The following SLC16A2 variants were observed in gnomAD, a reference collection of about 807,000 sequenced individuals.
The protein encoded by SLC16A2 is solute carrier family 16 member 2.
A neutral mutation model predicts 27.2 loss-of-function variants in SLC16A2; 3 were observed. That is an observed-to-expected ratio of 0.11 (90% CI 0.05 to 0.28). The LOEUF is 0.28. Ranked by LOEUF, SLC16A2 falls within the 10% of genes least tolerant of loss-of-function variation. The probability of loss-of-function intolerance (pLI) is 1.00; values close to 1 mark genes in which losing one functional copy is unlikely to be tolerated. For synonymous variants in SLC16A2, 202 were observed against 187.8 expected (o/e 1.08, Z -0.62); for missense variants, 295 against 458.5 (o/e 0.64, Z 3.26).
At chrX:74,476,774 T>A (rs1273026546) in intron 1 of SLC16A2, among the ~76,000 whole-genome samples, 1 of 111,980 alleles carries the variant, frequency 8.9e-6, no homozygotes, top group Non-Finnish European at 1.9e-5. Flanking sequence ...ATATGCTGGA[T>A]TACGTTTATT....
chrX:74,508,909 T>A (rs1475799984), intron 1 of SLC16A2, among the ~76,000 whole-genome samples: 2 of 111,719 alleles, frequency 1.8e-5, no homozygotes, highest in Non-Finnish European at 3.8e-5. Flanking sequence ...GAACCTCCAA[T>A]GGAATGTTAA....
intron 2 of SLC16A2, among the ~76,000 whole-genome samples, chrX:74,521,681 G>A (rs1930409860): frequency 8.9e-6 from 1 of 112,287 alleles, no homozygotes; most frequent in African/African-American, 3.2e-5. Flanking sequence ...CTGAGCCCAA[G>A]GATGTTTAGC....
chrX:74,495,425 A>G (rs1602131623), intron 1 of SLC16A2, among the ~76,000 whole-genome samples: 2 of 107,998 alleles, frequency 1.9e-5, no homozygotes, highest in African/African-American at 6.6e-5. Flanking sequence ...TCTGGGGACA[A>G]GAAGTTCTCA....
chrX:74,503,122 A>C lies in SLC16A2; in HGVS notation c.431-17868A>C, dbSNP rs567366055. Among the ~76,000 whole-genome samples, 41 of 109,542 alleles carry C rather than the reference A, an allele frequency of 3.7e-4. No homozygotes were observed. The South Asian group carries it at 0.017, about 44-fold the overall frequency. ...GGACCATCACAGAGCCTCTACAAGA[A>C]GACACTCCAAGCCTTTAAGACCCTG... On this transcript the variant is annotated intron_variant, in intron 1 of 5. Transcript: ENST00000587091.
At chrX:74,488,497 C>T (rs758141597) in intron 1 of SLC16A2, among the ~76,000 whole-genome samples, 1 of 111,492 alleles carries the variant, frequency 9.0e-6, no homozygotes, top group Non-Finnish European at 1.9e-5. Flanking sequence ...CTTGTTTTAA[C>T]CAATTATTTA....
chrX:74,438,658 A>G (rs766267714), intron 1 of SLC16A2, among the ~76,000 whole-genome samples: 2 of 112,492 alleles, frequency 1.8e-5, no homozygotes, highest in Non-Finnish European at 3.7e-5. Context: ...CTATAGCCTC[A>G]TAGCTGTACA....
intron 1 of SLC16A2, among the ~76,000 whole-genome samples, chrX:74,469,767 C>T (rs1306711127): frequency 3.6e-5 from 4 of 111,115 alleles, no homozygotes; most frequent in Non-Finnish European, 7.5e-5. Context: ...ACAGCACCTC[C>T]ACTATTAACT....
At chrX:74,484,007 G>GTAC (rs1929672423) in intron 1 of SLC16A2, among the ~76,000 whole-genome samples, 1 of 111,430 alleles carries the variant, frequency 9.0e-6, no homozygotes, top group Admixed American at 9.5e-5. Flanking sequence ...CTGTTGCCCT[G>GTAC]TACTAGGAGC....
intron 1 of SLC16A2, among the ~76,000 whole-genome samples, chrX:74,485,368 T>C (rs1338337014): frequency 9.0e-6 from 1 of 111,023 alleles, no homozygotes; most frequent in East Asian, 2.8e-4. Context: ...AACATAAGCA[T>C]TTTTCTAGAA....
intron 1 of SLC16A2, among the ~76,000 whole-genome samples, chrX:74,487,118 T>G (rs1929735915): frequency 9.0e-6 from 1 of 111,320 alleles, no homozygotes; most frequent in Non-Finnish European, 1.9e-5. Flanking sequence ...CCTTAGATCA[T>G]TTTACCTTTT....
rs773600376 is a variant in SLC16A2, at chrX:74,532,058, G to A, written c.*505G>A. 6.6e-4 allele frequency: 99 copies of A among 150,735 alleles called. No individual in the cohort carries two copies. Among genetic ancestry groups the A allele is most frequent in the Middle Eastern group, 3.0e-3 (1 of 338 alleles). 12.4% of individuals were successfully genotyped at this position (150,735 alleles called of 1,213,427 possible). A position where few individuals can be genotyped will look rare whatever the true frequency, so the allele number is the denominator to read the frequency against. On this transcript the variant is annotated 3_prime_UTR_variant, in exon 6 of 6. Transcript: ENST00000587091. Reference sequence around the variant, plus strand: ...CTTGGTTAGTCTTAGAGTTGCTGATGACTGTGGCTTCCCAAGAACTGGGTA... The same window carrying A: ...CTTGGTTAGTCTTAGAGTTGCTGATAACTGTGGCTTCCCAAGAACTGGGTA...
In SLC16A2 at chrX:74,496,953, G is replaced by A. The variant is rs780074351; in HGVS notation, c.431-24037G>A. The stretch of plus-strand genomic sequence containing the variant: ...TGCCTGTTGGTGCATTCTTCTGGAC[G>A]TCCAGCTGCCCCTGTGTTCCTCCAC... On this transcript the variant is annotated intron_variant, in intron 1 of 5. Coordinates refer to ENST00000587091, the MANE Select transcript of SLC16A2 (RefSeq NM_006517.5). Among the ~76,000 whole-genome samples the A allele has an allele frequency of 1.4e-4, 16 of 111,614 alleles. No individual in the cohort carries two copies. The South Asian group carries it at 1.9e-3, about 14-fold the overall frequency.
At chrX:74,515,902 A>T (rs1417109378) in intron 1 of SLC16A2, among the ~76,000 whole-genome samples, 1 of 112,102 alleles carries the variant, frequency 8.9e-6, no homozygotes, top group Admixed American at 9.5e-5. Flanking sequence ...ACCCTAAAAG[A>T]ATAGCTAAAG....
At position 74,456,020 on chromosome X, in the gene SLC16A2, A is replaced by G. The variant is rs750229133; in HGVS notation, c.430+33953A>G. 1.8e-5 allele frequency among the ~76,000 whole-genome samples: 2 copies of G among 112,059 alleles called. 1 individual carries two copies. Among genetic ancestry groups the G allele is most frequent in the African/African-American group, 6.5e-5 (2 of 30,808 alleles). ...AAGGTCTCTTTCCCAAGGAAGTCCC[A>G]GTCTAGGTAATTGACTATAGTTGAT... On this transcript the variant is annotated intron_variant, in intron 1 of 5. Transcript: ENST00000587091.
At chrX:74,480,934 G>A (rs1357824498) in intron 1 of SLC16A2, among the ~76,000 whole-genome samples, 1 of 112,097 alleles carries the variant, frequency 8.9e-6, no homozygotes, top group Non-Finnish European at 1.9e-5. Context: ...TTTTTATTGT[G>A]AAAGAATGTT....
Position 74,524,479 on chromosome X carries a change from T to C in SLC16A2, c.696T>C (p.Asn232=). ...HYFQRRLGLA[N]GVVSAGSSIF... ...TTCAACGCCGCCTGGGTCTGGCCAATGGTGTGGTGTCTGCTGGGAGTAGCA... is the reference window on the plus strand; with the variant it reads ...TTCAACGCCGCCTGGGTCTGGCCAACGGTGTGGTGTCTGCTGGGAGTAGCA... Residue 232 remains asparagine, a synonymous_variant, in exon 3 of 6, where the codon AAT becomes AAC. Coordinates refer to ENST00000587091, the MANE Select transcript of SLC16A2 (RefSeq NM_006517.5). 8.3e-7 allele frequency: 1 copy of C among 1,211,941 alleles called. No homozygotes were observed. The highest frequency in any genetic ancestry group is 1.1e-6 in the Non-Finnish European group (1 of 895,547).
chrX:74,516,066 C>CA (rs1555988948), intron 1 of SLC16A2, among the ~76,000 whole-genome samples: 6 of 108,937 alleles, frequency 5.5e-5, no homozygotes, highest in African/African-American at 2.0e-4. Flanking sequence ...TTTTTTCTTT[C>CA]TTTTTTTTGG....
rs183947948 is a variant in SLC16A2 at position 74,458,989 on chromosome X, G to A, written c.430+36922G>A. On this transcript the variant is annotated intron_variant, in intron 1 of 5. Transcript: ENST00000587091. ...GTTAAATCTCCTGGATTGGTGTTGTGTGGGCTTTAAAATGTAAAATCAAAG... is the reference window on the plus strand; with the variant it reads ...GTTAAATCTCCTGGATTGGTGTTGTATGGGCTTTAAAATGTAAAATCAAAG... 2.1e-4 allele frequency among the ~76,000 whole-genome samples: 23 copies of A among 108,515 alleles called. No individual in the cohort carries two copies. In the East Asian group the frequency reaches 6.2e-3, roughly 29 times the overall value. 94.2% of individuals were successfully genotyped at this position (108,515 alleles called of 115,157 possible). A position where few individuals can be genotyped will look rare whatever the true frequency, so the allele number is the denominator to read the frequency against.
intron 1 of SLC16A2, among the ~76,000 whole-genome samples, chrX:74,447,010 T>TC (rs1928849339): frequency 8.9e-6 from 1 of 112,231 alleles, no homozygotes; most frequent in African/African-American, 3.2e-5. Flanking sequence ...GTCTCTATTT[T>TC]CTTACTGTGG....
Sources: gnomAD v4.1 joint callset for allele counts (sites outside exome capture counted in the v4.1 genomes callset) on GRCh38, gnomAD v4.1.1 for gene constraint, MANE v1.5 for transcripts, NCBI Gene and HGNC (gene_info 2026-07-23, HGNC 2026-07-21) for gene names.